The following NBEA variants were observed in gnomAD, a reference collection of about 807,000 sequenced individuals.
NBEA encodes the protein neurobeachin.
A neutral mutation model predicts 343.4 loss-of-function variants in NBEA; 44 were observed. The observed-to-expected ratio is 0.13, with a 90% CI of 0.10 to 0.16. The LOEUF is 0.16. Among genes scored for constraint, NBEA ranks in the 10% least tolerant of loss-of-function variants. NBEA has a pLI of 1.00. For missense variants in NBEA, 2,555 were observed against 3,631.3 expected, an observed-to-expected ratio of 0.70 and a Z score of 7.62; for synonymous variants, 1,175 against 1,238.7, an observed-to-expected ratio of 0.95 and a Z score of 1.08.
At chr13:35,547,029 C>G (rs1327324541) in intron 41 of NBEA, among the ~76,000 whole-genome samples, 2 of 152,078 alleles carry the variant, frequency 1.3e-5, no homozygotes, top group Non-Finnish European at 2.9e-5. Context: ...TCAGGTTTTC[C>G]TAGCAGGGAA....
intron 41 of NBEA, among the ~76,000 whole-genome samples, chr13:35,520,537 A>C (rs2077661892): frequency 6.6e-6 from 1 of 152,134 alleles, no homozygotes; most frequent in South Asian, 2.1e-4. Flanking sequence ...AGCGAGGAAA[A>C]GGTTAGAGTA....
chr13:35,356,761 C>T (rs2040511307), intron 38 of NBEA, among the ~76,000 whole-genome samples: 1 of 152,140 alleles, frequency 6.6e-6, no homozygotes, highest in South Asian at 2.1e-4. Context: ...GCCCATGGCT[C>T]ACTCCACCAC....
chr13:35,195,140 A>G (rs1000746047), intron 30 of NBEA, among the ~76,000 whole-genome samples: 1 of 152,138 alleles, frequency 6.6e-6, no homozygotes, highest in Non-Finnish European at 1.5e-5. Context: ...AAGTATAAAA[A>G]TGACTTTATA....
chr13:35,484,073 T>G (rs935395320), intron 41 of NBEA, among the ~76,000 whole-genome samples: 1 of 152,044 alleles, frequency 6.6e-6, no homozygotes, highest in African/African-American at 2.4e-5. Flanking sequence ...TGTACCTAAA[T>G]GGATTTTTAA....
At chr13:35,004,310 G>A (rs960297615) in intron 1 of NBEA, among the ~76,000 whole-genome samples, 17 of 152,202 alleles carry the variant, frequency 1.1e-4, no homozygotes, top group Non-Finnish European at 2.2e-4. Flanking sequence ...GGGATTGCTG[G>A]GTCAAATGGT....
At chr13:35,487,152 C>T (rs948294695) in intron 41 of NBEA, among the ~76,000 whole-genome samples, 3 of 151,826 alleles carry the variant, frequency 2.0e-5, no homozygotes, top group African/African-American at 7.3e-5. Flanking sequence ...TCCAAGAAAG[C>T]TATGCCAATG....
intron 34 of NBEA, among the ~76,000 whole-genome samples, chr13:35,289,639 G>A (rs1033491137): frequency 2.6e-5 from 4 of 151,774 alleles, no homozygotes; most frequent in Admixed American, 6.6e-5. Context: ...TGTAGAATGG[G>A]AATAATAATA....
chr13:35,641,003 A>C (rs1055226305), intron 49 of NBEA, among the ~76,000 whole-genome samples: 7 of 152,052 alleles, frequency 4.6e-5, no homozygotes, highest in African/African-American at 1.2e-4. Flanking sequence ...TTTTATAATC[A>C]GTAAGAATCC....
intron 44 of NBEA, among the ~76,000 whole-genome samples, chr13:35,556,930 C>T (rs1273603366): frequency 6.6e-6 from 1 of 152,042 alleles, no homozygotes; most frequent in African/African-American, 2.4e-5. Context: ...ATTCTCTGTA[C>T]GTTCTTGTGT....
At chr13:35,197,255 T>A (rs1251324723) in intron 31 of NBEA, among the ~76,000 whole-genome samples, 2 of 152,206 alleles carry the variant, frequency 1.3e-5, no homozygotes, top group African/African-American at 4.8e-5. Context: ...TTGTTATTGA[T>A]GTTTTAAAAC....
At chr13:35,323,058 C>T (rs971997322) in intron 36 of NBEA, among the ~76,000 whole-genome samples, 3 of 152,210 alleles carry the variant, frequency 2.0e-5, no homozygotes, top group Admixed American at 2.0e-4. Flanking sequence ...CCATGTTGCC[C>T]AGTCTGGTCT....
At chr13:35,405,051 A>T (rs1013921937) in intron 38 of NBEA, among the ~76,000 whole-genome samples, 1 of 152,226 alleles carries the variant, frequency 6.6e-6, no homozygotes, top group East Asian at 1.9e-4. Flanking sequence ...GAAGCAGCAT[A>T]GGAAATTTAC....
chr13:35,629,929 A>G (rs1169932391), intron 49 of NBEA, among the ~76,000 whole-genome samples: 1 of 152,212 alleles, frequency 6.6e-6, no homozygotes, highest in African/African-American at 2.4e-5. Context: ...TCTAAATGTC[A>G]TAGGCATTTT....
At chr13:34,944,081 T>G (rs1187706033) in intron 1 of NBEA, among the ~76,000 whole-genome samples, 1 of 152,242 alleles carries the variant, frequency 6.6e-6, no homozygotes, top group South Asian at 2.1e-4. Context: ...TGTTTTGTTT[T>G]GTTTTTAAAT....
intron 39 of NBEA, among the ~76,000 whole-genome samples, chr13:35,438,190 G>A (rs144373572): frequency 6.6e-5 from 10 of 152,234 alleles, no homozygotes; most frequent in Middle Eastern, 3.4e-3. Flanking sequence ...GATATGCTGA[G>A]AACTGCAAAT....
At chr13:35,308,472 A>ATATATATG (rs1566597095) in intron 35 of NBEA, among the ~76,000 whole-genome samples, 3,347 of 97,992 alleles carry the variant, frequency 0.034, 169 homozygotes, top group Non-Finnish European at 0.049. Context: ...ATATATATAT[A>ATATATATG]TGTATATATA....
At chr13:34,950,961 G>T (rs2059332036) in intron 1 of NBEA, among the ~76,000 whole-genome samples, 1 of 152,152 alleles carries the variant, frequency 6.6e-6, no homozygotes, top group Admixed American at 6.5e-5. Context: ...TTCCAGCCTG[G>T]GTGATGGAGT....
intron 11 of NBEA, among the ~76,000 whole-genome samples, chr13:35,105,301 T>C (rs748619229): frequency 4.6e-5 from 7 of 151,924 alleles, no homozygotes; most frequent in Non-Finnish European, 8.8e-5. Context: ...ATCCCAAGCA[T>C]AAAAATAGGA....
At chr13:35,539,713 G>T (rs968615059) in intron 41 of NBEA, among the ~76,000 whole-genome samples, 2 of 150,852 alleles carry the variant, frequency 1.3e-5, no homozygotes, top group African/African-American at 4.9e-5. Context: ...TCAGGAGATC[G>T]AGACCATCCT....
Sources: allele counts gnomAD v4.1 joint callset (sites outside exome capture counted in the v4.1 genomes callset), GRCh38; gene constraint gnomAD v4.1.1; transcripts MANE v1.5; gene names NCBI Gene and HGNC (gene_info 2026-07-23, HGNC 2026-07-21).